The following NEDD4 variants were observed in gnomAD, a reference collection of about 807,000 sequenced individuals.
NEDD4 encodes the protein E3 ubiquitin-protein ligase NEDD4.
Under a neutral mutation model 144.9 loss-of-function variants are expected in NEDD4, and 99 were observed. That is an observed-to-expected ratio of 0.68 (90% CI 0.58 to 0.81). NEDD4 has a LOEUF of 0.81. NEDD4 is among the 30% of genes least tolerant of loss of function. The pLI is 0.00. For synonymous variants in NEDD4, 318 were observed against 350.6 expected (o/e 0.91, Z 1.04); for missense variants, 985 against 1,065.9 (o/e 0.92, Z 1.06).
intron 5 of NEDD4, among the ~76,000 whole-genome samples, chr15:55,880,089 C>T (rs1387602527): frequency 3.9e-5 from 6 of 152,016 alleles, no homozygotes; most frequent in Non-Finnish European, 8.8e-5. Flanking sequence ...GTCAGGAGTT[C>T]GAGACCAGCC....
intron 5 of NEDD4, among the ~76,000 whole-genome samples, chr15:55,892,053 G>A (rs2035585489): frequency 6.6e-6 from 1 of 152,078 alleles, no homozygotes; most frequent in East Asian, 1.9e-4. Flanking sequence ...ATCACCTGAG[G>A]TCAGGAGTTT....
intron 1 of NEDD4, among the ~76,000 whole-genome samples, chr15:55,985,043 T>A (rs555454337): frequency 1.3e-5 from 2 of 152,340 alleles, no homozygotes; most frequent in South Asian, 4.1e-4. Context: ...TATCCTGCTC[T>A]GACTGATGTT....
chr15:55,954,262 C>T (rs1010542439), intron 2 of NEDD4, among the ~76,000 whole-genome samples: 11 of 152,280 alleles, frequency 7.2e-5, no homozygotes, highest in African/African-American at 2.4e-4. Context: ...GCTCCTCATA[C>T]CACTCGAACT....
chr15:55,874,763 C>G (rs1293681592), intron 5 of NEDD4, among the ~76,000 whole-genome samples: 1 of 152,164 alleles, frequency 6.6e-6, no homozygotes, highest in African/African-American at 2.4e-5. Context: ...CACCTGAGGT[C>G]AGGAGTTAGA....
chr15:55,926,437 A>G (rs981534483), intron 4 of NEDD4, among the ~76,000 whole-genome samples: 1 of 152,208 alleles, frequency 6.6e-6, no homozygotes, highest in African/African-American at 2.4e-5. Context: ...GAGGATAGAC[A>G]TGCCAAACAT....
At chr15:55,859,613 C>T (rs1421884123) in intron 11 of NEDD4, among the ~76,000 whole-genome samples, 2 of 152,154 alleles carry the variant, frequency 1.3e-5, no homozygotes, top group Admixed American at 6.6e-5. Context: ...ATGAGAATCG[C>T]CTGAAGCTGG....
At chr15:55,920,449 C>T (rs971117129) in intron 5 of NEDD4, among the ~76,000 whole-genome samples, 1 of 151,956 alleles carries the variant, frequency 6.6e-6, no homozygotes, top group African/African-American at 2.4e-5. Flanking sequence ...TTTTTTAAGA[C>T]ACATCATTCT....
At chr15:55,868,256 T>A (rs568209514) in intron 8 of NEDD4, among the ~76,000 whole-genome samples, 1 of 152,274 alleles carries the variant, frequency 6.6e-6, no homozygotes, top group Non-Finnish European at 1.5e-5. Flanking sequence ...ACTGTTCTTA[T>A]GGAGACCTAA....
intron 5 of NEDD4, among the ~76,000 whole-genome samples, chr15:55,892,987 A>G (rs1333099779): frequency 6.6e-6 from 1 of 152,160 alleles, no homozygotes; most frequent in Non-Finnish European, 1.5e-5. Context: ...CCAAGCTGGT[A>G]TTTATCATTT....
intron 4 of NEDD4, among the ~76,000 whole-genome samples, chr15:55,939,193 C>T (rs2036949757): frequency 6.6e-6 from 1 of 152,082 alleles, no homozygotes; most frequent in South Asian, 2.1e-4. Flanking sequence ...CATCTCGATC[C>T]GTAATCCCCA....
At chr15:55,830,458 CAG>C in intron 28 of NEDD4, 54 bp downstream of exon 28, 2 of 1,476,292 alleles carry the variant, frequency 1.4e-6, no homozygotes, top group East Asian at 4.5e-5. Flanking sequence ...GCTAGACTAA[CAG>C]AGGAATCTCA....
At chr15:55,852,333 C>T in intron 13 of NEDD4, 91 bp downstream of exon 13, 1 of 1,338,838 alleles carries the variant, frequency 7.5e-7, no homozygotes, top group Non-Finnish European at 1.0e-6. Context: ...GTAGAAGTAT[C>T]CAGTGTATCC....
At chr15:55,967,283 T>C (rs1480393565) in intron 1 of NEDD4, among the ~76,000 whole-genome samples, 4 of 152,346 alleles carry the variant, frequency 2.6e-5, no homozygotes, top group Non-Finnish European at 4.4e-5. Flanking sequence ...TTATAATGTA[T>C]CAAATATTAA....
At chr15:55,949,630 G>C (rs1378630426) in intron 4 of NEDD4, among the ~76,000 whole-genome samples, 1 of 152,138 alleles carries the variant, frequency 6.6e-6, no homozygotes, top group Non-Finnish European at 1.5e-5. Flanking sequence ...CATACAAAAG[G>C]ATGAGTTCAT....
rs941917169 is a variant in NEDD4 at position 55,828,519 on chromosome 15, C to G, written c.*1378G>C. 2.6e-5 allele frequency: 4 copies of G among 152,282 alleles called. No homozygotes were observed. The highest frequency in any genetic ancestry group is 6.5e-5 in the Admixed American group (1 of 15,274). The allele number at this position is 152,282 out of a possible 1,614,324, so 9.4% of individuals were successfully genotyped here. A position where few individuals can be genotyped will look rare whatever the true frequency, so the allele number is the denominator to read the frequency against. ...ACACTTTCCCTTTTGCCTTATTCTG[C>G]TTACGCCTACTTTTGATTGTTTTAC... On this transcript the variant is annotated 3_prime_UTR_variant, in exon 29 of 29. Coordinates refer to ENST00000435532, the MANE Select transcript of NEDD4 (RefSeq NM_006154.4).
chr15:55,897,556 A>C (rs2035777900), intron 5 of NEDD4, among the ~76,000 whole-genome samples: 1 of 152,200 alleles, frequency 6.6e-6, no homozygotes, highest in South Asian at 2.1e-4. Context: ...AGTATGTTCA[A>C]CTTGGAGCAA....
intron 21 of NEDD4, among the ~76,000 whole-genome samples, chr15:55,839,235 G>A (rs1595730060): frequency 2.6e-5 from 4 of 151,804 alleles, no homozygotes; most frequent in Admixed American, 2.0e-4. Flanking sequence ...CACCATGTTG[G>A]CCAGGCTGGT....
intron 1 of NEDD4, among the ~76,000 whole-genome samples, chr15:55,985,581 A>G (rs943435534): frequency 6.6e-5 from 10 of 152,238 alleles, no homozygotes; most frequent in Non-Finnish European, 1.3e-4. Flanking sequence ...AAGGATAATA[A>G]AAGTCAAATT....
At chr15:55,870,914 T>A (rs1269418040) in intron 7 of NEDD4, among the ~76,000 whole-genome samples, 1 of 152,182 alleles carries the variant, frequency 6.6e-6, no homozygotes, top group Non-Finnish European at 1.5e-5. Flanking sequence ...CAGCTCTCTA[T>A]ATAGATTTTT....
Sources: gnomAD v4.1 joint callset for allele counts (sites outside exome capture counted in the v4.1 genomes callset) on GRCh38, gnomAD v4.1.1 for gene constraint, MANE v1.5 for transcripts, NCBI Gene and HGNC (gene_info 2026-07-23, HGNC 2026-07-21) for gene names.